PSD3: variants seen among roughly 807,000 people sequenced by gnomAD.
PSD3 encodes pleckstrin and Sec7 domain containing 3.
PSD3 carries 49 observed loss-of-function variants against 105.5 expected under a neutral mutation model. The observed-to-expected ratio is 0.46, with a 90% confidence interval of 0.37 to 0.59. The LOEUF (loss-of-function observed/expected upper bound fraction) is 0.59, where lower values mean the gene tolerates loss of function less well. Among genes scored for constraint, PSD3 ranks in the 20% least tolerant of loss-of-function variants. PSD3 has a pLI of 0.00. For missense variants in PSD3, 1,561 were observed against 1,263.8 expected (o/e 1.24, Z -3.57); for synonymous variants, 557 against 457.8 (o/e 1.22, Z -2.77).
At chr8:18,833,606 T>TC (rs1355534630) in intron 4 of PSD3, among the ~76,000 whole-genome samples, 5 of 152,196 alleles carry the variant, frequency 3.3e-5, no homozygotes, top group Admixed American at 2.0e-4. Context: ...TTCCACTAGT[T>TC]TCATTCCTGT....
chr8:18,542,222 T>C (rs566113255), intron 15 of PSD3, among the ~76,000 whole-genome samples: 1 of 152,336 alleles, frequency 6.6e-6, no homozygotes, highest in South Asian at 2.1e-4. Context: ...ATGCTCTACA[T>C]TTGTCTTCTA....
intron 2 of PSD3, among the ~76,000 whole-genome samples, chr8:18,893,173 C>T (rs183058920): frequency 6.6e-6 from 1 of 152,238 alleles, no homozygotes; most frequent in Non-Finnish European, 1.5e-5. Context: ...TGAGAAACTG[C>T]TTTCGCCATG....
intron 5 of PSD3, 26 bp downstream of exon 5, chr8:18,804,678 G>C (rs747178548): frequency 6.2e-7 from 1 of 1,612,472 alleles, no homozygotes; most frequent in South Asian, 1.1e-5. Flanking sequence ...AGAGAATTCA[G>C]ACTCCAGCAA....
At chr8:18,559,730 T>C (rs1801283034) in intron 14 of PSD3, among the ~76,000 whole-genome samples, 1 of 152,310 alleles carries the variant, frequency 6.6e-6, no homozygotes, top group African/African-American at 2.4e-5. Flanking sequence ...TATTCAAATG[T>C]CTCTTTTTCT....
At chr8:18,556,070 C>A (rs977630784) in intron 15 of PSD3, 139 bp downstream of exon 15, 8 of 972,902 alleles carry the variant, frequency 8.2e-6, no homozygotes, top group East Asian at 5.1e-5. Flanking sequence ...GCCACCATGA[C>A]CTTGCCAGGA....
At chr8:19,050,239 C>T (rs1385886573) in intron 1 of PSD3, among the ~76,000 whole-genome samples, 1 of 152,126 alleles carries the variant, frequency 6.6e-6, no homozygotes, top group Non-Finnish European at 1.5e-5. Flanking sequence ...CCAGAATGTC[C>T]TTTCTGAGCA....
In PSD3 at chr8:18,749,199, T is replaced by C. The variant is rs544956238; in HGVS notation, c.2172+16250A>G. Among the ~76,000 whole-genome samples, 37 of 152,328 alleles carry C rather than the reference T, an allele frequency of 2.4e-4. No homozygotes were observed. In the South Asian group the frequency reaches 5.6e-3, roughly 23 times the overall value. ...ATAGTAACTAACACATGGAGTACAT[T>C]CAAGGGATATGGCTGCTCTTAGTGG... On this transcript the variant is annotated intron_variant, in intron 9 of 15. Transcript: ENST00000327040.
intron 1 of PSD3, among the ~76,000 whole-genome samples, chr8:18,943,793 T>C (rs1395118405): frequency 1.3e-5 from 2 of 152,088 alleles, no homozygotes; most frequent in Admixed American, 6.5e-5. Context: ...AAGTTAAAGA[T>C]ACCATAGCGG....
rs145665098 is a variant in PSD3 at position 18,780,297 on chromosome 8, C to T, written c.2083-14759G>A. 3.3e-5 allele frequency among the ~76,000 whole-genome samples: 5 copies of T among 152,116 alleles called. 1 individual carries two copies. Among genetic ancestry groups the T allele is most frequent in the African/African-American group, 1.2e-4 (5 of 41,524 alleles). On this transcript the variant is annotated intron_variant, in intron 8 of 15. Coordinates refer to ENST00000327040, the MANE Select transcript of PSD3 (RefSeq NM_015310.4). ...TTTCCATCCCTTCACTTTGAGTCTA[C>T]GTGTCTTTACCAGTAAAGTCAGTTT...
chr8:18,966,243 G>T (rs1441376873), intron 1 of PSD3, among the ~76,000 whole-genome samples: 2 of 152,026 alleles, frequency 1.3e-5, no homozygotes, highest in Non-Finnish European at 2.9e-5. Context: ...ACTTCTCACA[G>T]AGTTTCCACA....
rs751365255 is a variant in PSD3 at position 18,804,390 on chromosome 8, G to T, written c.1910+132C>A. 32 of 763,870 alleles carry T rather than the reference G, an allele frequency of 4.2e-5. No individual in the cohort carries two copies. The African/African-American group carries it at 4.7e-4, about 11-fold the overall frequency. 47.3% of individuals were successfully genotyped at this position (763,870 alleles called of 1,614,324 possible). On this transcript the variant is annotated intron_variant, in intron 6 of 15. Coordinates refer to ENST00000327040, the MANE Select transcript of PSD3 (RefSeq NM_015310.4). ...AACACTTATGGACCCAAACATTTTG[G>T]AGAAGGAATACTCCACCTATACATG...
chr8:18,690,415 T>C (rs561678978), intron 9 of PSD3, among the ~76,000 whole-genome samples: 10 of 152,344 alleles, frequency 6.6e-5, no homozygotes, highest in Middle Eastern at 3.4e-3. Context: ...AACAGATACA[T>C]TGGATCAAAA....
At position 18,732,428 on chromosome 8, in the gene PSD3, A is replaced by G. The variant is rs552216694; in HGVS notation, c.2172+33021T>C. ...ATCATCATCAGTTCATTTGCTAGAG[A>G]TTCTGCACAAGTGCAGTCTGGGGCA... is the stretch of plus-strand genomic sequence containing the variant. On this transcript the variant is annotated intron_variant, in intron 9 of 15. Transcript: ENST00000327040. 7.2e-5 allele frequency among the ~76,000 whole-genome samples: 11 copies of G among 152,362 alleles called. No individual in the cohort carries two copies. The South Asian group carries it at 2.3e-3, about 32-fold the overall frequency.
At chr8:18,799,451 C>T (rs1174275293) in intron 7 of PSD3, 98 bp from the exon 8 acceptor site, 6 of 943,278 alleles carry the variant, frequency 6.4e-6, no homozygotes, top group Admixed American at 1.8e-5. Flanking sequence ...CCTATGAAAA[C>T]AGTACTGTGC....
At chr8:18,667,758 G>T (rs943822713) in intron 9 of PSD3, among the ~76,000 whole-genome samples, 1 of 152,210 alleles carries the variant, frequency 6.6e-6, no homozygotes, top group Non-Finnish European at 1.5e-5. Context: ...GCTCAGGCGG[G>T]GCAAGGAGCC....
At chr8:18,720,742 G>A (rs559291364) in intron 9 of PSD3, among the ~76,000 whole-genome samples, 1 of 152,058 alleles carries the variant, frequency 6.6e-6, no homozygotes, top group Non-Finnish European at 1.5e-5. Context: ...TCACAGGAGC[G>A]CCGATGCATT....
At chr8:18,903,419 A>C (rs878874239) in intron 2 of PSD3, among the ~76,000 whole-genome samples, 1 of 152,218 alleles carries the variant, frequency 6.6e-6, no homozygotes, top group African/African-American at 2.4e-5. Context: ...TGTTTTTTGC[A>C]GCATGGTGGG....
intron 4 of PSD3, chr8:18,864,953 T>A (rs1175032628): frequency 6.6e-6 from 1 of 151,756 alleles, no homozygotes; most frequent in Non-Finnish European, 1.5e-5. Context: ...ATTGAATGCA[T>A]ACACCACCAC....
chr8:18,939,741 T>A (rs924160368), intron 1 of PSD3, among the ~76,000 whole-genome samples: 2 of 152,228 alleles, frequency 1.3e-5, no homozygotes, highest in African/African-American at 4.8e-5. Context: ...AGATCTAGAA[T>A]TTTATCAGAC....
Sources: allele counts gnomAD v4.1 joint callset (sites outside exome capture counted in the v4.1 genomes callset), GRCh38; gene constraint gnomAD v4.1.1; transcripts MANE v1.5; gene names NCBI Gene and HGNC (gene_info 2026-07-23, HGNC 2026-07-21).